Variants in ADAMTS2 observed in about 807,000 individuals in gnomAD.
ADAMTS2 encodes ADAM metallopeptidase with thrombospondin type 1 motif 2.
A neutral mutation model predicts 123.0 loss-of-function variants in ADAMTS2; 50 were observed. That is an observed-to-expected ratio of 0.41 (90% CI 0.32 to 0.51). The LOEUF (loss-of-function observed/expected upper bound fraction) is 0.51. ADAMTS2 is among the 20% of genes least tolerant of loss of function. The pLI is 0.35. For missense variants in ADAMTS2, 1,494 were observed against 1,705.2 expected (o/e 0.88, Z 2.18); for synonymous variants, 678 against 695.4 (o/e 0.98, Z 0.39).
chr5:179,245,909 A>AAGG (rs1765794052), intron 3 of ADAMTS2, among the ~76,000 whole-genome samples: 1 of 152,088 alleles, frequency 6.6e-6, no homozygotes, highest in South Asian at 2.1e-4. Context: ...TGCATACGAC[A>AAGG]AGGGAGAGGA....
At chr5:179,320,695 G>A (rs1424394790) in intron 2 of ADAMTS2, among the ~76,000 whole-genome samples, 3 of 152,150 alleles carry the variant, frequency 2.0e-5, no homozygotes, top group South Asian at 2.1e-4. Context: ...AGTGGGCAAG[G>A]AGGGCACATG....
At chr5:179,124,773 G>T (rs1762822006) in intron 19 of ADAMTS2, among the ~76,000 whole-genome samples, 200 bp downstream of exon 19, 1 of 151,964 alleles carries the variant, frequency 6.6e-6, no homozygotes, top group South Asian at 2.1e-4. Flanking sequence ...CTGGGACCAG[G>T]GCCCGGCTCG....
chr5:179,316,464 T>C (rs1303015317), intron 2 of ADAMTS2, among the ~76,000 whole-genome samples: 1 of 152,082 alleles, frequency 6.6e-6, no homozygotes, highest in Non-Finnish European at 1.5e-5. Flanking sequence ...CATCCCAGGC[T>C]CCTGCCTAGG....
chr5:179,222,459 G>A lies in ADAMTS2; in HGVS notation c.689-14744C>T, dbSNP rs558723418. On this transcript the variant is annotated intron_variant, in intron 3 of 21. Transcript: ENST00000251582. ...CCCAGGGCCACCCTGAGAACCAGGAGGGGAGGGAGGGCCACCCTGCCTGCA... is the reference window on the plus strand; with the variant it reads ...CCCAGGGCCACCCTGAGAACCAGGAAGGGAGGGAGGGCCACCCTGCCTGCA... Among the ~76,000 whole-genome samples the A allele has an allele frequency of 3.3e-4, 50 of 152,340 alleles. 2 individuals are homozygous for A. In the South Asian group the frequency reaches 8.9e-3, roughly 27 times the overall value.
intron 2 of ADAMTS2, among the ~76,000 whole-genome samples, chr5:179,302,435 C>A (rs989647617): frequency 4.9e-5 from 7 of 144,290 alleles, no homozygotes; most frequent in Non-Finnish European, 1.1e-4. Flanking sequence ...CCCCGGACAA[C>A]CCAAACTGCA....
chr5:179,157,860 T>C (rs1281631742), intron 6 of ADAMTS2, among the ~76,000 whole-genome samples: 1 of 152,224 alleles, frequency 6.6e-6, no homozygotes, highest in Non-Finnish European at 1.5e-5. Context: ...TCCTTTTTTA[T>C]AAATATTTCC....
intron 2 of ADAMTS2, among the ~76,000 whole-genome samples, chr5:179,337,499 C>T (rs951221390): frequency 5.3e-5 from 8 of 152,226 alleles, no homozygotes; most frequent in Admixed American, 4.6e-4. Context: ...CACACACTCC[C>T]GCCATGCACA....
intron 4 of ADAMTS2, among the ~76,000 whole-genome samples, chr5:179,205,083 T>C (rs912481061): frequency 6.6e-6 from 1 of 152,198 alleles, no homozygotes; most frequent in African/African-American, 2.4e-5. Context: ...TTATTCAAAA[T>C]AGGGGGTACG....
intron 3 of ADAMTS2, among the ~76,000 whole-genome samples, chr5:179,243,449 C>T (rs1435383614): frequency 2.6e-5 from 4 of 152,066 alleles, no homozygotes; most frequent in African/African-American, 7.2e-5. Context: ...ACCCTGCACA[C>T]GCTCAAGGCT....
In ADAMTS2 at chr5:179,178,393, T is replaced by C. The variant is rs568260732; in HGVS notation, c.975+2679A>G. Among the ~76,000 whole-genome samples the C allele has an allele frequency of 7.2e-5, 11 of 152,258 alleles. No homozygotes were observed. In the East Asian group the frequency reaches 2.1e-3, roughly 29 times the overall value. On this transcript the variant is annotated intron_variant, in intron 5 of 21. Coordinates refer to ENST00000251582, the MANE Select transcript of ADAMTS2 (RefSeq NM_014244.5). ...CCTGGGATAGAGGGCTCAGCGAGCC[T>C]CTCTCTGCCCTCCTAGCCAGCATTC...
intron 2 of ADAMTS2, among the ~76,000 whole-genome samples, chr5:179,288,820 G>A (rs1383537578): frequency 6.6e-6 from 1 of 152,214 alleles, no homozygotes; most frequent in East Asian, 1.9e-4. Context: ...CCTCACAAGG[G>A]ACAAGGCCAC....
Position 179,135,905 on chromosome 5 carries a change from T to G in ADAMTS2, c.2085+4A>C, listed in dbSNP as rs559317915. 1.2e-6 allele frequency: 2 copies of G among 1,613,070 alleles called. No individual in the cohort carries two copies. Among genetic ancestry groups the G allele is most frequent in the African/African-American group, 1.3e-5 (1 of 75,044 alleles). On this transcript the variant is annotated splice_donor_region_variant and intron_variant, in intron 13 of 21. Transcript: ENST00000251582. ...GCCCCCCGTGCCGGCCTCTGTGTAC[T>G]CACCCTGCAGTCCCCGCGCACACAG...
At chr5:179,176,472 C>T (rs1258562292) in intron 5 of ADAMTS2, among the ~76,000 whole-genome samples, 1 of 152,196 alleles carries the variant, frequency 6.6e-6, no homozygotes, top group Non-Finnish European at 1.5e-5. Flanking sequence ...CTTCAGCTTC[C>T]CTCCTGTGCT....
At chr5:179,255,729 T>C (rs1474264184) in intron 3 of ADAMTS2, among the ~76,000 whole-genome samples, 1 of 152,104 alleles carries the variant, frequency 6.6e-6, no homozygotes, top group Non-Finnish European at 1.5e-5. Context: ...AAGGACACCA[T>C]GTGGAAAACC....
At chr5:179,157,192 C>T (rs562672819) in intron 6 of ADAMTS2, among the ~76,000 whole-genome samples, 7 of 151,958 alleles carry the variant, frequency 4.6e-5, no homozygotes, top group South Asian at 4.2e-4. Flanking sequence ...TCAAGTGATC[C>T]GCCCGCCTTG....
chr5:179,154,980 T>G, intron 6 of ADAMTS2, 61 bp from the exon 7 acceptor site: 1 of 1,446,772 alleles, frequency 6.9e-7, no homozygotes. Flanking sequence ...AGGTGAGGCC[T>G]GGCCTAACTC....
rs116161580 is a variant in ADAMTS2 at position 179,122,349 on chromosome 5, G to A, written c.3088+295C>T. On this transcript the variant is annotated intron_variant, in intron 20 of 21. Coordinates refer to ENST00000251582, the MANE Select transcript of ADAMTS2 (RefSeq NM_014244.5). The stretch of plus-strand genomic sequence containing the variant: ...GCACAGGCGTCCCCCTATTCACACA[G>A]GCACCCCCTACACCATAGCCACCAG... Among the ~76,000 whole-genome samples, 573 of 152,304 alleles carry A rather than the reference G, an allele frequency of 3.8e-3. 2 individuals are homozygous for A. The highest frequency in any genetic ancestry group is 0.013 in the African/African-American group (544 of 41,568).
In ADAMTS2 at chr5:179,343,859, C is replaced by A. The variant is rs780603629; in HGVS notation, c.442G>T (p.Val148Leu). 1 of 1,597,764 alleles carries A rather than the reference C, an allele frequency of 6.3e-7. No homozygotes were observed. Among genetic ancestry groups the A allele is most frequent in the Non-Finnish European group, 8.5e-7 (1 of 1,173,964 alleles). ...AGACAGCTCCCGAGCAGGGGCTCCA[C>A]GCGGGTGGTGCCCTTCTCGCCCTGC... ...EWQGEKGTTR[V>L]EPLLGSCLYV... The change falls in exon 2 of 22, where the codon GTG (valine) becomes TTG (leucine). Residue 148 changes from valine (V) to leucine (L), a missense_variant. Physicochemically the swap from Val to Leu is conservative, Grantham distance 32. Around this residue, in one of 6 missense-constraint regions of ADAMTS2, gnomAD observed 237 missense variants for 233.7 expected, o/e 1.01. Transcript: ENST00000251582.
intron 21 of ADAMTS2, among the ~76,000 whole-genome samples, chr5:179,116,477 G>A (rs1036438558): frequency 6.6e-6 from 1 of 152,098 alleles, no homozygotes; most frequent in African/African-American, 2.4e-5. Flanking sequence ...TGACCTCCTT[G>A]AGCAGGTAAG....
Sources: gnomAD v4.1 joint callset for allele counts (sites outside exome capture counted in the v4.1 genomes callset) on GRCh38, gnomAD v4.1.1 for gene constraint, gnomAD v4.1.1 regional missense constraint, MANE v1.5 for transcripts, NCBI Gene and HGNC (gene_info 2026-07-23, HGNC 2026-07-21) for gene names.